CTRB2: variants seen among roughly 807,000 people sequenced by gnomAD.
CTRB2 encodes chymotrypsinogen B2, also known as chymotrypsin B2.
Under a neutral mutation model 19.3 loss-of-function variants are expected in CTRB2, and 9 were observed. That is an observed-to-expected ratio of 0.47 (90% CI 0.28 to 0.81). The LOEUF (loss-of-function observed/expected upper bound fraction) is 0.81. Ranked by LOEUF, CTRB2 falls within the 40% of genes least tolerant of loss-of-function variation. The probability of loss-of-function intolerance (pLI) is 0.11; values close to 1 mark genes in which losing one functional copy is unlikely to be tolerated. For missense variants in CTRB2, 210 were observed against 269.7 expected (o/e 0.78, Z 1.55); for synonymous variants, 98 against 117.3 (o/e 0.84, Z 1.06).
rs147088344 is a variant in CTRB2, at chr16:75,204,296, G to A, written c.657C>T (p.Cys219=). ...CMGDSGGPLV[C]QKDGAWTLVG... is the part of the protein sequence containing the mutation. ...CCAGGGTCCAGGCTCCGTCCTTCTG[G>A]CAGACCAGGGGGCCTCCAGAGTCAC... Residue 219 remains cysteine (C), a synonymous_variant, in exon 7 of 7, where the codon TGC becomes TGT. Transcript: ENST00000303037. 43 of 1,614,028 alleles carry A rather than the reference G, an allele frequency of 2.7e-5. No homozygotes were observed. The African/African-American group carries it at 5.3e-4, about 20-fold the overall frequency.
At chr16:75,206,663 T>G in intron 1 of CTRB2, 1 of 305,930 alleles carries the variant, frequency 3.3e-6, no homozygotes, top group East Asian at 8.6e-5. Context: ...GAGCAGGAGT[T>G]TAAGAGGGTG....
Position 75,205,264 on chromosome 16 carries a change from C to CCAAA in CTRB2, c.496+65_496+68dup, listed in dbSNP as rs1345275654. On this transcript the variant is annotated intron_variant, in intron 5 of 6. Coordinates refer to ENST00000303037, the MANE Select transcript of CTRB2 (RefSeq NM_001025200.4). ...GTTAGGAGCGTGTTGGAATTTAGAG[C>CCAAA]CAAACGGTCACGGGGGGACTCCACG... is the stretch of plus-strand genomic sequence containing the variant. 1,320 of 240,404 alleles carry CCAAA rather than the reference C, an allele frequency of 5.5e-3. 32 individuals carry two copies. Among genetic ancestry groups the CCAAA allele is most frequent in the Middle Eastern group, 0.018 (16 of 878 alleles). The allele number at this position is 240,404 out of a possible 1,614,324, so 14.9% of individuals were successfully genotyped here.
rs867994359 is a variant in CTRB2, at chr16:75,204,241, A to C, written c.712T>G (p.Cys238Gly). Residue 238 changes from cysteine to glycine, a missense_variant, in exon 7 of 7, where the codon TGC becomes GGC. By Grantham distance (159) the Cys-to-Gly change is radical. Around this residue, in one of 4 missense-constraint regions of CTRB2, gnomAD observed 120 missense variants for 90.8 expected, o/e 1.32. Coordinates refer to ENST00000303037, the MANE Select transcript of CTRB2 (RefSeq NM_001025200.4). ...TACACAGCGGGCGTGGTGGTAGAGC[A>C]GGTGCGGCTGCCCCAGGACACAATG... is the stretch of plus-strand genomic sequence containing the variant. ...VGIVSWGSRT[C>G]STTTPAVYAR... 1 of 1,614,100 alleles carries C rather than the reference A, an allele frequency of 6.2e-7. No individual in the cohort carries two copies. Among genetic ancestry groups the C allele is most frequent in the African/African-American group, 1.3e-5 (1 of 75,022 alleles).
chr16:75,204,254 C>T lies in CTRB2; in HGVS notation c.699G>A (p.Trp233Ter). ...TGGTGGTAGAGCAGGTGCGGCTGCC[C>T]CAGGACACAATGCCCACCAGGGTCC... ...GAWTLVGIVS[W>*]GSRTCSTTTP... Residue 233 changes from tryptophan (W) to a stop codon, truncating the protein, a stop_gained, in exon 7 of 7, where the codon TGG becomes TGA. Transcript: ENST00000303037. LOFTEE classifies it low-confidence loss of function (END_TRUNC). 2 of 1,614,086 alleles carry T rather than the reference C, an allele frequency of 1.2e-6. No individual in the cohort carries two copies. Among genetic ancestry groups the T allele is most frequent in the Non-Finnish European group, 8.5e-7 (1 of 1,179,996 alleles).
rs200914367 is a variant in CTRB2, at chr16:75,204,308, G to A, written c.645C>T (p.Gly215=). The change falls in exon 7 of 7, where the codon GGC becomes GGT. Residue 215 remains glycine, a synonymous_variant. Transcript: ENST00000303037. Reference sequence around the variant, plus strand: ...CTCCGTCCTTCTGGCAGACCAGGGGGCCTCCAGAGTCACCCTGCAGGAAGG... The same window carrying A: ...CTCCGTCCTTCTGGCAGACCAGGGGACCTCCAGAGTCACCCTGCAGGAAGG... ...GVSSCMGDSG[G]PLVCQKDGAW... The A allele has an allele frequency of 6.2e-7, 1 of 1,614,020 alleles. No individual in the cohort carries two copies. The highest frequency in any genetic ancestry group is 1.1e-5 in the South Asian group (1 of 91,074).
At chr16:75,204,439 C>A in intron 6 of CTRB2, 117 bp from the exon 7 acceptor site, 2 of 1,065,680 alleles carry the variant, frequency 1.9e-6, no homozygotes, top group Non-Finnish European at 2.7e-6. Context: ...GGCATAGGGG[C>A]TGTGCCGGGG....
chr16:75,206,464 C>T (rs2038893660), intron 1 of CTRB2: 4 of 519,548 alleles, frequency 7.7e-6, no homozygotes, highest in Non-Finnish European at 1.0e-5. Context: ...GTGCGGTGGG[C>T]GGCAGCCCCG....
At chr16:75,206,458 G>A (rs144504354) in intron 1 of CTRB2, 13,293 of 537,520 alleles carry the variant, frequency 0.025, 363 homozygotes, top group Middle Eastern at 0.096. Context: ...TGGAGCGTGC[G>A]GTGGGCGGCA....
chr16:75,206,818 C>T (rs1283870906), intron 1 of CTRB2: 5 of 489,554 alleles, frequency 1.0e-5, no homozygotes, highest in Admixed American at 9.9e-5. Flanking sequence ...CTGCCTCCTC[C>T]CCCCGCCTCC....
chr16:75,204,384 G>A, intron 6 of CTRB2, 62 bp from the exon 7 acceptor site: 1 of 1,513,574 alleles, frequency 6.6e-7, no homozygotes. Flanking sequence ...AGGGGACCCT[G>A]ACCTGGTGGA....
At chr16:75,206,454 G>A (rs2038893376) in intron 1 of CTRB2, 1 of 544,340 alleles carries the variant, frequency 1.8e-6, no homozygotes, top group Non-Finnish European at 3.2e-6. Context: ...CAGGTGGAGC[G>A]TGCGGTGGGC....
chr16:75,204,223 C>A lies in CTRB2; in HGVS notation c.730G>T (p.Ala244Ser), dbSNP rs774947076. Residue 244 changes from alanine to serine, a missense_variant, in exon 7 of 7, where the codon GCT becomes TCT. By Grantham distance (99) the Ala-to-Ser change is moderately conservative (BLOSUM62 1). Transcript: ENST00000303037. The stretch of plus-strand genomic sequence containing the variant: ...AGCTTGGCGACACGGGCGTACACAG[C>A]GGGCGTGGTGGTAGAGCAGGTGCGG... Reference protein sequence around the residue: ...GSRTCSTTTPAVYARVAKLIP... With the variant: ...GSRTCSTTTPSVYARVAKLIP... 6.2e-7 allele frequency: 1 copy of A among 1,614,094 alleles called. No homozygotes were observed. The highest frequency in any genetic ancestry group is 8.5e-7 in the Non-Finnish European group (1 of 1,179,998).
intron 6 of CTRB2, 119 bp from the exon 7 acceptor site, chr16:75,204,441 G>A: frequency 9.6e-7 from 1 of 1,039,004 alleles, no homozygotes; most frequent in Non-Finnish European, 1.4e-6. Flanking sequence ...CATAGGGGCT[G>A]TGCCGGGGTC....
At chr16:75,204,552 C>A (rs958242658) in intron 6 of CTRB2, among the ~76,000 whole-genome samples, 3 of 152,166 alleles carry the variant, frequency 2.0e-5, no homozygotes, top group Non-Finnish European at 2.9e-5. Context: ...CCATCCATCT[C>A]TCCAAACCTC....
intron 6 of CTRB2, 69 bp downstream of exon 6, chr16:75,204,704 G>A (rs754305166): frequency 1.8e-5 from 28 of 1,541,672 alleles, no homozygotes; most frequent in Non-Finnish European, 2.5e-5. Flanking sequence ...AGAGCAGAGA[G>A]GGGTGGAAAG....
At chr16:75,206,255 C>A (rs116929620) in intron 1 of CTRB2, 62 bp from the exon 2 acceptor site, 1 of 1,476,922 alleles carries the variant, frequency 6.8e-7, no homozygotes, top group African/African-American at 1.4e-5. Context: ...GCTCCAGCCT[C>A]CTCTCACTCC....
Position 75,206,110 on chromosome 16 carries a change from G to T in CTRB2, c.136C>A (p.Pro46Thr). ...NGEDAVPGSWPWQVSLQDKTG... is the reference protein window; with the variant it reads ...NGEDAVPGSWTWQVSLQDKTG... Reference sequence around the variant, plus strand: ...CTCACCTGCAGGGACACCTGCCAGGGCCAGGAGCCGGGGACGGCGTCCTCC... The same window carrying T: ...CTCACCTGCAGGGACACCTGCCAGGTCCAGGAGCCGGGGACGGCGTCCTCC... The change falls in exon 2 of 7, where the codon CCC becomes ACC. Residue 46 changes from proline (P) to threonine (T), a missense_variant. Coordinates refer to ENST00000303037, the MANE Select transcript of CTRB2 (RefSeq NM_001025200.4). 6.5e-7 allele frequency: 1 copy of T among 1,529,194 alleles called. No homozygotes were observed. The highest frequency in any genetic ancestry group is 8.8e-7 in the Non-Finnish European group (1 of 1,131,884). 94.7% of individuals were successfully genotyped at this position (1,529,194 alleles called of 1,614,324 possible).
chr16:75,206,949 G>T (rs1035988409), intron 1 of CTRB2, 141 bp downstream of exon 1: 1 of 807,306 alleles, frequency 1.2e-6, no homozygotes, highest in Admixed American at 2.0e-5. Flanking sequence ...GCCCACGGCA[G>T]AGATGGAGCC....
In CTRB2 at chr16:75,204,822, A is replaced by T. The variant is rs1480679351; in HGVS notation, c.581T>A (p.Ile194Asn). 1.4e-6 allele frequency: 2 copies of T among 1,406,138 alleles called. No individual in the cohort carries two copies. Among genetic ancestry groups the T allele is most frequent in the East Asian group, 5.1e-5 (2 of 39,396 alleles). 87.1% of individuals were successfully genotyped at this position (1,406,138 alleles called of 1,614,324 possible). Residue 194 changes from isoleucine to asparagine, a missense_variant, in exon 6 of 7, where the codon ATC becomes AAC. Ile to Asn is a moderately radical substitution (Grantham distance 149). This residue lies in a region of CTRB2 where 27 missense variants were observed against 42.5 expected (regional missense o/e 0.64). Transcript: ENST00000303037. ...CCCGGCACAGATCATCACGTCGGTGATCCTCCTGCCCCAGGACTTCTTGCA... is the reference window on the plus strand; with the variant it reads ...CCCGGCACAGATCATCACGTCGGTGTTCCTCCTGCCCCAGGACTTCTTGCA... The part of the protein sequence containing the change: ...AECKKSWGRR[I>N]TDVMICAGAS...
Sources: gnomAD v4.1 joint callset for allele counts (sites outside exome capture counted in the v4.1 genomes callset) on GRCh38, gnomAD v4.1.1 for gene constraint, gnomAD v4.1.1 regional missense constraint, MANE v1.5 for transcripts, NCBI Gene and HGNC (gene_info 2026-07-23, HGNC 2026-07-21) for gene names.